The following RAB33B variants were observed in gnomAD, a reference collection of about 807,000 sequenced individuals.
RAB33B encodes RAB33B, member RAS oncogene family.
Under a neutral mutation model 15.0 loss-of-function variants are expected in RAB33B, and 6 were observed. The observed-to-expected ratio is 0.40, with a 90% CI of 0.22 to 0.79. The LOEUF (loss-of-function observed/expected upper bound fraction) is 0.79. RAB33B is among the 30% of genes least tolerant of loss of function. RAB33B has a pLI of 0.37. For missense variants in RAB33B, 257 were observed against 296.4 expected (o/e 0.87, Z 0.98); for synonymous variants, 117 against 108.3 (o/e 1.08, Z -0.50).
intron 1 of RAB33B, among the ~76,000 whole-genome samples, chr4:139,463,529 A>G (rs1750213287): frequency 6.6e-6 from 1 of 152,264 alleles, no homozygotes; most frequent in South Asian, 2.1e-4. Context: ...TTTAAGTATT[A>G]AATTGGGAAA....
chr4:139,443,836 G>A, the RAB33B span, among the ~76,000 whole-genome samples: 1,361 of 152,182 alleles, frequency 8.9e-3, 21 homozygotes, highest in African/African-American at 0.031. Flanking sequence ...TACCTTTGTC[G>A]GAGGAGATAA....
At position 139,476,464 on chromosome 4, in the gene RAB33B, G is replaced by C. The variant is rs1750504362; in HGVS notation, c.*3338G>C. ...GACTGCTTTCTTAATCAGATATTAA[G>C]AAGTTCGTCATGTATTTTGGGAGCA... On this transcript the variant is annotated 3_prime_UTR_variant, in exon 2 of 2. Coordinates refer to ENST00000305626, the MANE Select transcript of RAB33B (RefSeq NM_031296.3). 6.6e-6 allele frequency: 1 copy of C among 152,176 alleles called. No individual in the cohort carries two copies. Among genetic ancestry groups the C allele is most frequent in the Non-Finnish European group, 1.5e-5 (1 of 68,036 alleles). The allele number at this position is 152,176 out of a possible 1,614,324, so 9.4% of individuals were successfully genotyped here.
Position 139,464,403 on chromosome 4 carries a change from T to G in RAB33B, c.250-8283T>G, listed in dbSNP as rs1007826835. Among the ~76,000 whole-genome samples the G allele has an allele frequency of 8.0e-4, 120 of 149,624 alleles. 2 individuals carry two copies. The highest frequency in any genetic ancestry group is 2.5e-3 in the South Asian group (12 of 4,730). On this transcript the variant is annotated intron_variant, in intron 1 of 1. Transcript: ENST00000305626. ...GGAATACTGTTTTTTTTTTTTTTTT[T>G]TTTTTTTTTATACTTTAAGTTCTAG...
At chr4:139,465,009 T>C (rs1750255088) in intron 1 of RAB33B, among the ~76,000 whole-genome samples, 1 of 152,216 alleles carries the variant, frequency 6.6e-6, no homozygotes, top group African/African-American at 2.4e-5. Context: ...CCACCAACAG[T>C]GTAAAAGTGT....
chr4:139,464,550 C>A (rs1285354536), intron 1 of RAB33B, among the ~76,000 whole-genome samples: 1 of 152,082 alleles, frequency 6.6e-6, no homozygotes, highest in Non-Finnish European at 1.5e-5. Flanking sequence ...CCCCTAACCC[C>A]ATGACAGGCC....
In RAB33B at chr4:139,464,067, G is replaced by A. The variant is rs139711433; in HGVS notation, c.250-8619G>A. 4.1e-3 allele frequency among the ~76,000 whole-genome samples: 629 copies of A among 152,254 alleles called. 4 individuals are homozygous for A. The highest frequency in any genetic ancestry group is 0.014 in the African/African-American group (579 of 41,530). On this transcript the variant is annotated intron_variant, in intron 1 of 1. Transcript: ENST00000305626. ...GTGGGAGGATCACTTGACCCCAGGAGTTTGGGACCAGCCTGGGCAACATAG... is the reference window on the plus strand; with the variant it reads ...GTGGGAGGATCACTTGACCCCAGGAATTTGGGACCAGCCTGGGCAACATAG...
intron 1 of RAB33B, among the ~76,000 whole-genome samples, chr4:139,465,564 G>A (rs1750267587): frequency 6.6e-6 from 1 of 152,074 alleles, no homozygotes; most frequent in South Asian, 2.1e-4. Context: ...ATTAATTTTT[G>A]TATAAGGTGT....
At chr4:139,464,467 T>C (rs550104723) in intron 1 of RAB33B, among the ~76,000 whole-genome samples, 126 of 148,548 alleles carry the variant, frequency 8.5e-4, no homozygotes, top group African/African-American at 3.0e-3. Flanking sequence ...TGTATACATG[T>C]GCCATGTTGG....
intron 1 of RAB33B, among the ~76,000 whole-genome samples, chr4:139,462,211 G>T (rs1234314524): frequency 6.6e-6 from 1 of 151,836 alleles, no homozygotes. Flanking sequence ...CTGCCACCAC[G>T]CCCGGCTAAC....
At chr4:139,465,240 G>C (rs1293052041) in intron 1 of RAB33B, among the ~76,000 whole-genome samples, 1 of 152,148 alleles carries the variant, frequency 6.6e-6, no homozygotes, top group Admixed American at 6.5e-5. Context: ...GGGGTTGTTT[G>C]ATTTTTTCTT....
At chr4:139,451,077 T>A (rs1462202730), upstream of RAB33B, 1 of 152,038 alleles carries the variant, frequency 6.6e-6, no homozygotes, top group Non-Finnish European at 1.5e-5. Context: ...AATTTTTGTA[T>A]TTTTAGTACA....
intron 1 of RAB33B, among the ~76,000 whole-genome samples, chr4:139,459,781 C>T (rs1387335814): frequency 6.6e-6 from 1 of 152,034 alleles, no homozygotes; most frequent in East Asian, 1.9e-4. Context: ...TTACAGGCGC[C>T]TGCCACCCCA....
At chr4:139,462,376 A>G (rs1397878129) in intron 1 of RAB33B, among the ~76,000 whole-genome samples, 6 of 152,264 alleles carry the variant, frequency 3.9e-5, no homozygotes. Flanking sequence ...TGGTAGTTTT[A>G]TTATCCAAAA....
intron 1 of RAB33B, among the ~76,000 whole-genome samples, chr4:139,456,838 C>T (rs1007402573): frequency 6.6e-6 from 1 of 152,018 alleles, no homozygotes; most frequent in African/African-American, 2.4e-5. Context: ...TTTTTAGTGC[C>T]CTTTTTTTCG....
intron 1 of RAB33B, among the ~76,000 whole-genome samples, chr4:139,456,909 A>G (rs1750081083): frequency 6.6e-6 from 1 of 152,180 alleles, no homozygotes; most frequent in Non-Finnish European, 1.5e-5. Flanking sequence ...CTTTTTGGTT[A>G]ACCTGTAATA....
intron 1 of RAB33B, among the ~76,000 whole-genome samples, chr4:139,467,730 C>T (rs1463739831): frequency 6.6e-6 from 1 of 151,764 alleles, no homozygotes; most frequent in East Asian, 1.9e-4. Flanking sequence ...TGTTATCTTG[C>T]ACCTGTAGTC....
At chr4:139,451,354 C>T (rs1040516851), upstream of RAB33B, 1 of 150,068 alleles carries the variant, frequency 6.7e-6, no homozygotes, top group East Asian at 2.0e-4. Context: ...GTGTACACAA[C>T]CACACCCACT....
chr4:139,439,004 G>C, the RAB33B span, among the ~76,000 whole-genome samples: 1 of 152,042 alleles, frequency 6.6e-6, no homozygotes, highest in Non-Finnish European at 1.5e-5. Context: ...GTTTTTGCCA[G>C]GTATGGGATT....
chr4:139,473,847 T>A lies in RAB33B; in HGVS notation c.*721T>A, dbSNP rs1199487809. On this transcript the variant is annotated 3_prime_UTR_variant, in exon 2 of 2. Coordinates refer to ENST00000305626, the MANE Select transcript of RAB33B (RefSeq NM_031296.3). ...TGTTTGATTTTCTAATTAATACTTA[T>A]CAGATCTACAAAAATCATTATTATT... The A allele has an allele frequency of 6.6e-6, 1 of 151,784 alleles. No homozygotes were observed. The highest frequency in any genetic ancestry group is 1.5e-5 in the Non-Finnish European group (1 of 67,928). The allele number at this position is 151,784 out of a possible 1,614,324, so 9.4% of individuals were successfully genotyped here.
Sources: allele counts gnomAD v4.1 joint callset (sites outside exome capture counted in the v4.1 genomes callset), GRCh38; gene constraint gnomAD v4.1.1; transcripts MANE v1.5; gene names NCBI Gene and HGNC (gene_info 2026-07-23, HGNC 2026-07-21).